LARGE1: variants seen among roughly 807,000 people sequenced by gnomAD.
LARGE1 encodes the protein xylosyl- and glucuronyltransferase LARGE1.
A neutral mutation model predicts 87.6 loss-of-function variants in LARGE1; 43 were observed. The observed-to-expected ratio is 0.49, with a 90% CI of 0.38 to 0.63. LARGE1 has a LOEUF of 0.63. LARGE1 is among the 30% of genes least tolerant of loss of function. LARGE1 has a pLI of 0.00. For missense variants in LARGE1, 802 were observed against 1,000.2 expected (o/e 0.80, Z 2.67); for synonymous variants, 434 against 394.6 (o/e 1.10, Z -1.18).
downstream of LARGE1, among the ~76,000 whole-genome samples, chr22:33,269,661 T>A (rs1928138588): frequency 6.6e-6 from 1 of 152,128 alleles, no homozygotes; most frequent in Non-Finnish European, 1.5e-5. Context: ...TGGGAAACAC[T>A]TTCCCAGAAC....
the LARGE1 span, among the ~76,000 whole-genome samples, chr22:33,088,234 T>TG: frequency 1.3e-5 from 2 of 152,222 alleles, no homozygotes; most frequent in East Asian, 3.9e-4. Context: ...TACTAGAGGT[T>TG]GGAGGGGTCT....
chr22:33,475,187 C>G (rs1182782621), intron 6 of LARGE1, among the ~76,000 whole-genome samples: 1 of 152,144 alleles, frequency 6.6e-6, no homozygotes, highest in Non-Finnish European at 1.5e-5. Context: ...AAGATGAATA[C>G]TGGGGTGGGA....
chr22:33,406,630 G>T (rs766143628), intron 7 of LARGE1, among the ~76,000 whole-genome samples: 3 of 152,078 alleles, frequency 2.0e-5, no homozygotes, highest in Admixed American at 6.6e-5. Flanking sequence ...CCCATTATCC[G>T]CATTTTCAGG....
At chr22:33,806,915 C>A (rs1216393526) in intron 1 of LARGE1, among the ~76,000 whole-genome samples, 1 of 152,118 alleles carries the variant, frequency 6.6e-6, no homozygotes, top group Non-Finnish European at 1.5e-5. Flanking sequence ...GAGGCTGAGG[C>A]AGGAGAATCG....
chr22:33,409,565 C>CA (rs2066231233), intron 7 of LARGE1, among the ~76,000 whole-genome samples: 1 of 152,072 alleles, frequency 6.6e-6, no homozygotes, highest in Non-Finnish European at 1.5e-5. Context: ...CAGAGTCCAG[C>CA]ATGGGGTGTG....
chr22:33,513,530 T>G (rs564962706), intron 6 of LARGE1, among the ~76,000 whole-genome samples: 9 of 152,126 alleles, frequency 5.9e-5, no homozygotes, highest in African/African-American at 2.2e-4. Flanking sequence ...AAGAACACAC[T>G]CTGCCTGAAA....
intron 1 of LARGE1, among the ~76,000 whole-genome samples, chr22:33,773,214 T>G (rs780279199): frequency 3.9e-5 from 6 of 152,244 alleles, no homozygotes; most frequent in Non-Finnish European, 7.3e-5. Flanking sequence ...AAGGTGATCC[T>G]CTGGCCTGTC....
intron 5 of LARGE1, among the ~76,000 whole-genome samples, chr22:33,589,142 G>T (rs2078762633): frequency 6.6e-6 from 1 of 152,172 alleles, no homozygotes; most frequent in Non-Finnish European, 1.5e-5. Flanking sequence ...GGAAAGGCTA[G>T]GGCCCACGGC....
At chr22:33,570,759 A>T (rs2078174598) in intron 5 of LARGE1, among the ~76,000 whole-genome samples, 1 of 152,088 alleles carries the variant, frequency 6.6e-6, no homozygotes, top group Admixed American at 6.5e-5. Flanking sequence ...AGGAGGAGGA[A>T]AAGTGCGTGG....
At position 33,871,982 on chromosome 22, in the gene LARGE1, C is replaced by CAAAAAA. The variant is rs58105742; in HGVS notation, c.-83+48007_-83+48012dup. 1.4e-3 allele frequency among the ~76,000 whole-genome samples: 122 copies of CAAAAAA among 86,768 alleles called. 1 individual carries two copies. Among genetic ancestry groups the CAAAAAA allele is most frequent in the Non-Finnish European group, 2.2e-3 (88 of 40,824 alleles). The allele number at this position is 86,768 out of a possible 152,430, so 56.9% of individuals were successfully genotyped here. A position where few individuals can be genotyped will look rare whatever the true frequency, so the allele number is the denominator to read the frequency against. Reference sequence around the variant, plus strand: ...GAAGTCAAGTCTATTTCTAAATCAGCAAAAAAAAAAAAAAAAGAAAAGAAA... The same window carrying CAAAAAA: ...GAAGTCAAGTCTATTTCTAAATCAGCAAAAAAAAAAAAAAAAAAAAAAGAAAAGAAA... On this transcript the variant is annotated intron_variant, in intron 1 of 14. Transcript: ENST00000397394.
intron 6 of LARGE1, among the ~76,000 whole-genome samples, chr22:33,505,244 C>A (rs923929275): frequency 6.6e-6 from 1 of 152,226 alleles, no homozygotes; most frequent in Non-Finnish European, 1.5e-5. Flanking sequence ...TGGAATAGAG[C>A]GGCCTGCTAG....
chr22:33,610,832 C>T (rs542292757), intron 4 of LARGE1, among the ~76,000 whole-genome samples: 96 of 152,300 alleles, frequency 6.3e-4, no homozygotes, highest in African/African-American at 2.3e-3. Context: ...GGCCAGGACA[C>T]CATTGCCCTG....
At chr22:33,138,296 A>G in the LARGE1 span, among the ~76,000 whole-genome samples, 1 of 151,768 alleles carries the variant, frequency 6.6e-6, no homozygotes, top group East Asian at 1.9e-4. Context: ...GTTTTGGCCA[A>G]TTTTTTCCAT....
chr22:33,289,637 T>G (rs1932172384), intron 12 of LARGE1, among the ~76,000 whole-genome samples: 1 of 152,146 alleles, frequency 6.6e-6, no homozygotes, highest in Non-Finnish European at 1.5e-5. Context: ...CAGGGAAGAC[T>G]TCTGCTTGCT....
the LARGE1 span, among the ~76,000 whole-genome samples, chr22:33,090,129 C>T: frequency 6.6e-6 from 1 of 152,012 alleles, no homozygotes. Flanking sequence ...TGCTTGAAGC[C>T]GGAAGGCAGA....
intron 2 of LARGE1, among the ~76,000 whole-genome samples, chr22:33,671,809 G>A (rs976096053): frequency 1.6e-4 from 24 of 152,178 alleles, no homozygotes; most frequent in Non-Finnish European, 2.6e-4. Flanking sequence ...CAAGGTCATC[G>A]CCAAGGTCTG....
In LARGE1 at chr22:33,765,261, C is replaced by T. The variant is rs145823740; in HGVS notation, c.-82-3703G>A. 8.3e-3 allele frequency among the ~76,000 whole-genome samples: 1,256 copies of T among 152,222 alleles called. 9 individuals are homozygous for T. The highest frequency in any genetic ancestry group is 0.013 in the Non-Finnish European group (895 of 68,026). ...CTCTGCTCTCCCTCAGCAATTGATC[C>T]TAAGAACTCTTGCCAGAGGGTGTTT... On this transcript the variant is annotated intron_variant, in intron 1 of 14. Transcript: ENST00000397394.
intron 7 of LARGE1, among the ~76,000 whole-genome samples, chr22:33,406,472 A>G (rs907088261): frequency 6.6e-6 from 1 of 152,022 alleles, no homozygotes; most frequent in Non-Finnish European, 1.5e-5. Context: ...CAGAGTTCAA[A>G]GAAGCCTGTG....
rs530786763 is a variant in LARGE1, at chr22:33,794,192, T to C, written c.-82-32634A>G. On this transcript the variant is annotated intron_variant, in intron 1 of 14. Transcript: ENST00000397394. ...GGCCCCATGTGTCTGTGCATATAAT[T>C]TGTGAATAATTTGCAAATGCTGGTG... is the stretch of plus-strand genomic sequence containing the variant. Among the ~76,000 whole-genome samples, 23 of 152,226 alleles carry C rather than the reference T, an allele frequency of 1.5e-4. 1 individual carries two copies. In the South Asian group the frequency reaches 4.6e-3, roughly 30 times the overall value.
Sources: gnomAD v4.1 joint callset for allele counts (sites outside exome capture counted in the v4.1 genomes callset) on GRCh38, gnomAD v4.1.1 for gene constraint, MANE v1.5 for transcripts, NCBI Gene and HGNC (gene_info 2026-07-23, HGNC 2026-07-21) for gene names.